RAP1GDS1: variants seen among roughly 807,000 people sequenced by gnomAD.
RAP1GDS1 encodes Rap1 GTPase-GDP dissociation stimulator 1, also known as RAP1, GTP-GDP dissociation stimulator 1.
A neutral mutation model predicts 71.1 loss-of-function variants in RAP1GDS1; 35 were observed. That is an observed-to-expected ratio of 0.49 (90% CI 0.38 to 0.65). The LOEUF (loss-of-function observed/expected upper bound fraction) is 0.65. Ranked by LOEUF, RAP1GDS1 falls within the 30% of genes least tolerant of loss-of-function variation. RAP1GDS1 has a pLI of 0.00. For synonymous variants in RAP1GDS1, 229 were observed against 243.1 expected (o/e 0.94, Z 0.54); for missense variants, 663 against 706.1 (o/e 0.94, Z 0.69).
chr4:98,302,211 TAAA>T (rs1476175128), intron 2 of RAP1GDS1, among the ~76,000 whole-genome samples: 1 of 152,190 alleles, frequency 6.6e-6, no homozygotes, highest in Non-Finnish European at 1.5e-5. Context: ...TAAATATTCT[TAAA>T]TAAGCCTTTG....
intron 7 of RAP1GDS1, among the ~76,000 whole-genome samples, chr4:98,413,381 C>T (rs1412384744): frequency 1.3e-5 from 2 of 151,932 alleles, no homozygotes; most frequent in African/African-American, 2.4e-5. Flanking sequence ...TCCCCCCACC[C>T]CACCACAGTC....
At chr4:98,420,350 ATTTATTTATTTATTTG>A (rs991172514) in intron 11 of RAP1GDS1, among the ~76,000 whole-genome samples, 32 of 149,620 alleles carry the variant, frequency 2.1e-4, no homozygotes, top group African/African-American at 6.9e-4. Context: ...TTATTTATTT[ATTTATTTATTTATTTG>A]TTTATTTATT....
chr4:98,368,315 C>T (rs1321927809), intron 4 of RAP1GDS1, among the ~76,000 whole-genome samples: 1 of 152,114 alleles, frequency 6.6e-6, no homozygotes, highest in Non-Finnish European at 1.5e-5. Flanking sequence ...TTGTAAATTG[C>T]CTAGTCTTGT....
At chr4:98,402,723 G>A (rs952969145) in intron 6 of RAP1GDS1, among the ~76,000 whole-genome samples, 3 of 152,062 alleles carry the variant, frequency 2.0e-5, no homozygotes, top group East Asian at 3.9e-4. Flanking sequence ...AGAGACTAGC[G>A]AGCAGAATGT....
chr4:98,323,992 T>G lies in RAP1GDS1; in HGVS notation c.113-19147T>G, dbSNP rs530973466. Among the ~76,000 whole-genome samples the G allele has an allele frequency of 3.1e-4, 46 of 149,466 alleles. No individual in the cohort carries two copies. The South Asian group carries it at 4.7e-3, about 15-fold the overall frequency. ...AAGAGGAAGTCAAATTGTCCCTGTT[T>G]GCAGACGACATGATTGTTTATCTAG... On this transcript the variant is annotated intron_variant, in intron 2 of 14. Coordinates refer to ENST00000408927, the MANE Select transcript of RAP1GDS1 (RefSeq NM_001100427.2).
In RAP1GDS1 at chr4:98,432,980, T is replaced by G. The variant is rs116539060; in HGVS notation, c.1441-956T>G. ...TGTAATAACAAAAACCTATGAGATA[T>G]ATACTTACATCATTCCAGTGACATG... On this transcript the variant is annotated intron_variant, in intron 12 of 14. Coordinates refer to ENST00000408927, the MANE Select transcript of RAP1GDS1 (RefSeq NM_001100427.2). Among the ~76,000 whole-genome samples the G allele has an allele frequency of 4.3e-3, 655 of 152,206 alleles. 5 individuals are homozygous for G. The highest frequency in any genetic ancestry group is 0.015 in the African/African-American group (615 of 41,528).
chr4:98,268,642 T>C (rs1330833635), intron 1 of RAP1GDS1, among the ~76,000 whole-genome samples: 1 of 151,984 alleles, frequency 6.6e-6, no homozygotes, highest in African/African-American at 2.4e-5. Context: ...AAAATCAGCA[T>C]AGAAAAATCA....
chr4:98,349,567 A>C (rs1228239714), intron 3 of RAP1GDS1, among the ~76,000 whole-genome samples: 1 of 152,156 alleles, frequency 6.6e-6, no homozygotes, highest in South Asian at 2.1e-4. Context: ...CAGTATGGCC[A>C]TTTTCACGAT....
intron 5 of RAP1GDS1, among the ~76,000 whole-genome samples, chr4:98,386,140 T>C (rs1283653439): frequency 2.0e-5 from 3 of 151,830 alleles, no homozygotes; most frequent in African/African-American, 4.8e-5. Flanking sequence ...AATAAACATA[T>C]CTATAGAATT....
At chr4:98,295,317 A>G (rs1278998596) in intron 2 of RAP1GDS1, among the ~76,000 whole-genome samples, 4 of 152,116 alleles carry the variant, frequency 2.6e-5, no homozygotes, top group African/African-American at 9.7e-5. Flanking sequence ...ACTCTCACCA[A>G]TTTAACTAAT....
At chr4:98,390,887 T>C (rs551398300) in intron 5 of RAP1GDS1, among the ~76,000 whole-genome samples, 172 of 152,086 alleles carry the variant, frequency 1.1e-3, no homozygotes, top group Middle Eastern at 3.4e-3. Context: ...TGGCATATCA[T>C]TTTAAAGAGA....
intron 1 of RAP1GDS1, among the ~76,000 whole-genome samples, chr4:98,262,959 C>T (rs1722237973): frequency 1.3e-5 from 2 of 152,136 alleles, no homozygotes; most frequent in Admixed American, 6.5e-5. Context: ...TTCTTTTTAA[C>T]GTGAGTACTC....
intron 1 of RAP1GDS1, among the ~76,000 whole-genome samples, chr4:98,262,358 A>G (rs535690229): frequency 2.6e-5 from 4 of 152,366 alleles, no homozygotes; most frequent in Non-Finnish European, 5.9e-5. Flanking sequence ...TCTAATCTGC[A>G]TAATCTGATT....
At chr4:98,262,189 G>T (rs1304363069) in intron 1 of RAP1GDS1, among the ~76,000 whole-genome samples, 1 of 152,216 alleles carries the variant, frequency 6.6e-6, no homozygotes, top group Non-Finnish European at 1.5e-5. Flanking sequence ...GGATAGAGCC[G>T]CTAGCTGTTG....
At chr4:98,313,068 C>CAAAAAAAAAAAAAAAAAA (rs556945198) in intron 2 of RAP1GDS1, among the ~76,000 whole-genome samples, 1 of 38,178 alleles carries the variant, frequency 2.6e-5, no homozygotes. Context: ...GACTCTGTCT[C>CAAAAAAAAAAAAAAAAAA]AAAAAAAAAA....
chr4:98,335,969 A>G (rs1289262880), intron 2 of RAP1GDS1, among the ~76,000 whole-genome samples: 2 of 152,264 alleles, frequency 1.3e-5, no homozygotes, highest in African/African-American at 2.4e-5. Context: ...GTATACTCCT[A>G]TTGGCTCACA....
In RAP1GDS1 at chr4:98,330,441, C is replaced by T. The variant is rs373684030; in HGVS notation, c.113-12698C>T. On this transcript the variant is annotated intron_variant, in intron 2 of 14. Transcript: ENST00000408927. ...GTTCCCAGATGGGGTCGCGGCCGGGCAGAGGCACTCCTCACTTCCCAGACG... is the reference window on the plus strand; with the variant it reads ...GTTCCCAGATGGGGTCGCGGCCGGGTAGAGGCACTCCTCACTTCCCAGACG... Among the ~76,000 whole-genome samples the T allele has an allele frequency of 4.1e-5, 6 of 148,052 alleles. No homozygotes were observed. In the South Asian group the frequency reaches 1.3e-3, roughly 32 times the overall value.
rs1413246044 is a variant in RAP1GDS1 at position 98,261,456 on chromosome 4, T to C, written c.-110T>C. The C allele has an allele frequency of 3.5e-6, 4 of 1,147,450 alleles. No homozygotes were observed. The highest frequency in any genetic ancestry group is 4.6e-6 in the Non-Finnish European group (4 of 863,392). 71.1% of individuals were successfully genotyped at this position (1,147,450 alleles called of 1,614,324 possible). On this transcript the variant is annotated 5_prime_UTR_variant, in exon 1 of 15. Transcript: ENST00000408927. ...CTCCCCGGCGGCCGCCCCCCGCGGG[T>C]CCCTCCCTGGCTGCGGGAGAGACGG...
intron 7 of RAP1GDS1, among the ~76,000 whole-genome samples, chr4:98,414,806 T>C (rs965118177): frequency 1.3e-4 from 20 of 151,962 alleles, no homozygotes; most frequent in Non-Finnish European, 2.6e-4. Context: ...TTACCTTGGG[T>C]AGTATGGCCA....
Sources: allele counts gnomAD v4.1 joint callset (sites outside exome capture counted in the v4.1 genomes callset), GRCh38; gene constraint gnomAD v4.1.1; transcripts MANE v1.5; gene names NCBI Gene and HGNC (gene_info 2026-07-23, HGNC 2026-07-21).